Variants in ZFP14 observed in about 807,000 individuals in gnomAD.
ZFP14 encodes the protein ZFP14 zinc finger protein, also known as zinc finger protein 14 homolog.
ZFP14 carries 22 observed loss-of-function variants against 54.5 expected under a neutral mutation model. The observed-to-expected ratio is 0.40, with a 90% CI of 0.29 to 0.58. The LOEUF (loss-of-function observed/expected upper bound fraction) is 0.58, where lower values mean the gene tolerates loss of function less well. ZFP14 is among the 20% of genes least tolerant of loss of function. ZFP14 has a pLI of 0.39. For missense variants in ZFP14, 470 were observed against 637.8 expected (o/e 0.74, Z 2.83); for synonymous variants, 159 against 204.0 (o/e 0.78, Z 1.88).
rs186431213 is a variant in ZFP14, at chr19:36,352,207, A to T, written c.235+8228T>A. On this transcript the variant is annotated intron_variant, in intron 4 of 4. Transcript: ENST00000270001. Reference sequence around the variant, plus strand: ...TCAAAAAAAAAAAAATTCTATTAAGATCCCTACAATTTTGAACAAGATATA... The same window carrying T: ...TCAAAAAAAAAAAAATTCTATTAAGTTCCCTACAATTTTGAACAAGATATA... 1.1e-3 allele frequency among the ~76,000 whole-genome samples: 150 copies of T among 142,814 alleles called. 18 individuals are homozygous for T. The highest frequency in any genetic ancestry group is 3.6e-3 in the African/African-American group (140 of 39,040). The allele number at this position is 142,814 out of a possible 152,430, so 93.7% of individuals were successfully genotyped here. A position where few individuals can be genotyped will look rare whatever the true frequency, so the allele number is the denominator to read the frequency against.
At chr19:36,367,296 G>A (rs1222599543) in intron 2 of ZFP14, among the ~76,000 whole-genome samples, 2 of 152,312 alleles carry the variant, frequency 1.3e-5, no homozygotes, top group African/African-American at 2.4e-5. Context: ...ACTGGAAGAT[G>A]TTAACAGGAG....
In ZFP14 at chr19:36,337,952, A is replaced by G. The variant is rs939269689; in HGVS notation, c.*2272T>C. ...AAAATGGTGATTTTTCTAATCCTCT[A>G]ATTCCTTCTAGATTTATTAGACTTC... On this transcript the variant is annotated 3_prime_UTR_variant, in exon 5 of 5. Transcript: ENST00000270001. 5 of 152,154 alleles carry G rather than the reference A, an allele frequency of 3.3e-5. No individual in the cohort carries two copies. Among genetic ancestry groups the G allele is most frequent in the African/African-American group, 4.8e-5 (2 of 41,424 alleles). 9.4% of individuals were successfully genotyped at this position (152,154 alleles called of 1,614,324 possible).
chr19:36,352,629 C>G (rs181018429), intron 4 of ZFP14, among the ~76,000 whole-genome samples: 1 of 142,344 alleles, frequency 7.0e-6, no homozygotes, highest in Admixed American at 7.2e-5. Flanking sequence ...GACACTGTCT[C>G]TACAAAAAAT....
intron 4 of ZFP14, among the ~76,000 whole-genome samples, chr19:36,358,525 C>T (rs1265077221): frequency 6.6e-6 from 1 of 152,164 alleles, no homozygotes; most frequent in Non-Finnish European, 1.5e-5. Flanking sequence ...ATCATGTCAT[C>T]TCCAAATACA....
chr19:36,378,755 G>A (rs549065375), intron 1 of ZFP14: 1 of 152,092 alleles, frequency 6.6e-6, no homozygotes, highest in Non-Finnish European at 1.5e-5. Flanking sequence ...CGTCTACTGC[G>A]CGCAAAACCC....
rs2031245370 is a variant in ZFP14 at position 36,338,410 on chromosome 19, G to T, written c.*1814C>A. The T allele has an allele frequency of 6.6e-6, 1 of 151,968 alleles. No individual in the cohort carries two copies. Among genetic ancestry groups the T allele is most frequent in the Non-Finnish European group, 1.5e-5 (1 of 68,024 alleles). The allele number at this position is 151,968 out of a possible 1,614,324, so 9.4% of individuals were successfully genotyped here. A position where few individuals can be genotyped will look rare whatever the true frequency, so the allele number is the denominator to read the frequency against. Reference sequence around the variant, plus strand: ...TTTCAAGAATAATGAGTTGGGCTGGGTGTGGTGGCTCATACCTGTAACCCC... The same window carrying T: ...TTTCAAGAATAATGAGTTGGGCTGGTTGTGGTGGCTCATACCTGTAACCCC... On this transcript the variant is annotated 3_prime_UTR_variant, in exon 5 of 5. Transcript: ENST00000270001.
chr19:36,358,261 C>T (rs893931721), intron 4 of ZFP14, among the ~76,000 whole-genome samples: 1 of 151,828 alleles, frequency 6.6e-6, no homozygotes, highest in Admixed American at 6.6e-5. Flanking sequence ...CAGGCGTGCG[C>T]CACTACATCC....
At chr19:36,349,253 AAAAC>A (rs1426432274) in intron 4 of ZFP14, among the ~76,000 whole-genome samples, 1,845 of 70,410 alleles carry the variant, frequency 0.026, 386 homozygotes, top group Non-Finnish European at 0.04. Flanking sequence ...CAAAAAAAAA[AAAAC>A]AAAAAAAAAA....
At chr19:36,367,306 G>C (rs1037525898) in intron 2 of ZFP14, among the ~76,000 whole-genome samples, 1 of 152,128 alleles carries the variant, frequency 6.6e-6, no homozygotes, top group African/African-American at 2.4e-5. Flanking sequence ...GTTAACAGGA[G>C]GACATTCTGC....
chr19:36,371,110 A>C (rs140344132), intron 1 of ZFP14, among the ~76,000 whole-genome samples: 2 of 152,166 alleles, frequency 1.3e-5, no homozygotes, highest in Non-Finnish European at 2.9e-5. Context: ...AAAAATACAA[A>C]AAAATTAGGC....
intron 1 of ZFP14, chr19:36,378,596 T>C (rs2031999478): frequency 6.6e-6 from 1 of 152,208 alleles, no homozygotes; most frequent in South Asian, 2.1e-4. Context: ...CTTGTCTATA[T>C]GCAACAGCAA....
intron 2 of ZFP14, among the ~76,000 whole-genome samples, chr19:36,363,578 CAATCGGAGGAAA>C (rs969629686): frequency 6.6e-6 from 1 of 152,080 alleles, no homozygotes; most frequent in Non-Finnish European, 1.5e-5. Context: ...TTGGTTGTCA[CAATCGGAGGAAA>C]GGGTGTGAGT....
At chr19:36,358,088 CT>C (rs1159190517) in intron 4 of ZFP14, among the ~76,000 whole-genome samples, 60 of 143,754 alleles carry the variant, frequency 4.2e-4, no homozygotes, top group East Asian at 2.5e-3. Context: ...ATCTATCTAT[CT>C]ATCATCTATC....
In ZFP14 at chr19:36,340,062, A is replaced by G; in HGVS notation, c.*162T>C. The G allele has an allele frequency of 1.5e-6, 1 of 686,908 alleles. No homozygotes were observed. The highest frequency in any genetic ancestry group is 2.2e-6 in the Non-Finnish European group (1 of 461,306). 42.6% of individuals were successfully genotyped at this position (686,908 alleles called of 1,614,324 possible). A position where few individuals can be genotyped will look rare whatever the true frequency, so the allele number is the denominator to read the frequency against. On this transcript the variant is annotated 3_prime_UTR_variant, in exon 5 of 5. Transcript: ENST00000270001. This position sits in a 1 kb window ranked among gnomAD's most constrained non-coding sequence, Gnocchi z 5.4. ...ATTATTCTCTCATAGGAATTTGCTGAAGATAAACCATGTTTAAATGGTGTT... is the reference window on the plus strand; with the variant it reads ...ATTATTCTCTCATAGGAATTTGCTGGAGATAAACCATGTTTAAATGGTGTT...
rs190898123 is a variant in ZFP14 at position 36,352,664 on chromosome 19, G to A, written c.235+7771C>T. ...TGCTTAAAAATTAGCCATGTGGGCT[G>A]GGCGCGGTGGCTCACACCTGTAATC... On this transcript the variant is annotated intron_variant, in intron 4 of 4. Coordinates refer to ENST00000270001, the MANE Select transcript of ZFP14 (RefSeq NM_020917.3). Among the ~76,000 whole-genome samples the A allele has an allele frequency of 5.8e-4, 83 of 142,734 alleles. 14 individuals are homozygous for A. The highest frequency in any genetic ancestry group is 2.0e-3 in the African/African-American group (78 of 38,946). The allele number at this position is 142,734 out of a possible 152,430, so 93.6% of individuals were successfully genotyped here. A position where few individuals can be genotyped will look rare whatever the true frequency, so the allele number is the denominator to read the frequency against.
intron 1 of ZFP14, among the ~76,000 whole-genome samples, chr19:36,376,912 C>T (rs1356928884): frequency 6.6e-6 from 1 of 152,120 alleles, no homozygotes; most frequent in Admixed American, 6.5e-5. Flanking sequence ...GGACTAGAAC[C>T]CCCCTACTTT....
At chr19:36,371,181 T>C (rs2031872401) in intron 1 of ZFP14, among the ~76,000 whole-genome samples, 1 of 152,040 alleles carries the variant, frequency 6.6e-6, no homozygotes, top group South Asian at 2.1e-4. Context: ...GAGAATGCCA[T>C]GAACCCAGGA....
At chr19:36,373,911 C>A (rs981883591) in intron 1 of ZFP14, among the ~76,000 whole-genome samples, 720 of 93,016 alleles carry the variant, frequency 7.7e-3, no homozygotes, top group East Asian at 0.011. Flanking sequence ...GACCCCATCT[C>A]AAAAAAAAAA....
chr19:36,339,838 A>C lies in ZFP14; in HGVS notation c.*386T>G. The C allele has an allele frequency of 6.2e-6, 1 of 160,186 alleles. No homozygotes were observed. Among genetic ancestry groups the C allele is most frequent in the Non-Finnish European group, 1.4e-5 (1 of 73,026 alleles). The allele number at this position is 160,186 out of a possible 1,614,324, so 9.9% of individuals were successfully genotyped here. On this transcript the variant is annotated 3_prime_UTR_variant, in exon 5 of 5. Transcript: ENST00000270001. ...AAATTATAAGATATAATTATATGTTATTTTATGCTACTAAGTCTGTGGTAA... is the reference window on the plus strand; with the variant it reads ...AAATTATAAGATATAATTATATGTTCTTTTATGCTACTAAGTCTGTGGTAA...
Sources: allele counts gnomAD v4.1 joint callset (sites outside exome capture counted in the v4.1 genomes callset), GRCh38; gene constraint gnomAD v4.1.1; non-coding constraint Gnocchi (gnomAD v3.1); transcripts MANE v1.5; gene names NCBI Gene and HGNC (gene_info 2026-07-23, HGNC 2026-07-21).